ZSCAN25: variants seen among roughly 807,000 people sequenced by gnomAD.
ZSCAN25 encodes zinc finger and SCAN domain containing 25.
In ZSCAN25, 27 loss-of-function variants were observed where a neutral mutation model predicts 38.7. That is an observed-to-expected ratio of 0.70 (90% CI 0.51 to 0.96). ZSCAN25 has a LOEUF of 0.96. ZSCAN25 is among the 40% of genes least tolerant of loss of function. The probability of loss-of-function intolerance (pLI) is 0.00; values close to 1 mark genes in which losing one functional copy is unlikely to be tolerated. For synonymous variants in ZSCAN25, 273 were observed against 277.7 expected (o/e 0.98, Z 0.17); for missense variants, 637 against 705.9 (o/e 0.90, Z 1.11).
At chr7:99,721,316 A>G in the ZSCAN25 span, among the ~76,000 whole-genome samples, 1 of 152,250 alleles carries the variant, frequency 6.6e-6, no homozygotes, top group Non-Finnish European at 1.5e-5. Flanking sequence ...TAAAAAAAAG[A>G]AACAGCAGAG....
At chr7:99,684,335 T>A in the ZSCAN25 span, among the ~76,000 whole-genome samples, 2 of 151,996 alleles carry the variant, frequency 1.3e-5, no homozygotes, top group Admixed American at 1.3e-4. Flanking sequence ...ACCTAGCTAA[T>A]TTTTGTATTT....
chr7:99,645,382 A>G, the ZSCAN25 span, among the ~76,000 whole-genome samples: 1 of 152,042 alleles, frequency 6.6e-6, no homozygotes, highest in Admixed American at 6.5e-5. Flanking sequence ...GTTTAGGTTA[A>G]TTTCATATCT....
chr7:99,666,712 C>G, the ZSCAN25 span: 1 of 1,613,960 alleles, frequency 6.2e-7, no homozygotes. Context: ...CAGATCAGTA[C>G]CTGTAGTTAA....
chr7:99,639,427 A>C, the ZSCAN25 span, among the ~76,000 whole-genome samples: 1 of 152,122 alleles, frequency 6.6e-6, no homozygotes, highest in Non-Finnish European at 1.5e-5. Context: ...AGGGGCCTGC[A>C]ATTCTGTATC....
chr7:99,673,317 C>G, the ZSCAN25 span, among the ~76,000 whole-genome samples: 1 of 152,172 alleles, frequency 6.6e-6, no homozygotes, highest in Non-Finnish European at 1.5e-5. Flanking sequence ...AGTGAACAAA[C>G]ACACCACTGC....
At chr7:99,635,222 TAAAG>T (rs1459033206), downstream of ZSCAN25, among the ~76,000 whole-genome samples, 1 of 151,540 alleles carries the variant, frequency 6.6e-6, no homozygotes, top group Non-Finnish European at 1.5e-5. Context: ...ACTACAACCA[TAAAG>T]AACACAGTTT....
chr7:99,660,425 C>A, the ZSCAN25 span: 1 of 1,504,444 alleles, frequency 6.6e-7, no homozygotes, highest in East Asian at 2.4e-5. Flanking sequence ...TAAAAATTCT[C>A]CTGGGGAGTG....
the ZSCAN25 span, among the ~76,000 whole-genome samples, chr7:99,734,455 A>G: frequency 6.6e-6 from 1 of 152,120 alleles, no homozygotes; most frequent in Non-Finnish European, 1.5e-5. Context: ...CTATTAGATT[A>G]TCCTCAATCA....
chr7:99,626,144 C>T (rs1807451277), intron 7 of ZSCAN25, among the ~76,000 whole-genome samples: 1 of 152,214 alleles, frequency 6.6e-6, no homozygotes, highest in Non-Finnish European at 1.5e-5. Flanking sequence ...TCCACAAGGA[C>T]TGGAGCAAGA....
chr7:99,686,769 C>G, the ZSCAN25 span, among the ~76,000 whole-genome samples: 1 of 152,022 alleles, frequency 6.6e-6, no homozygotes, highest in Non-Finnish European at 1.5e-5. Flanking sequence ...CCAGTAGGGG[C>G]AGACTGACAC....
the ZSCAN25 span, chr7:99,660,460 T>C: frequency 6.4e-7 from 1 of 1,560,960 alleles, no homozygotes; most frequent in Non-Finnish European, 8.6e-7. Flanking sequence ...TTGCTAAGGC[T>C]TCACCTCTTC....
the ZSCAN25 span, among the ~76,000 whole-genome samples, chr7:99,731,469 C>T: frequency 4.6e-5 from 7 of 152,278 alleles, no homozygotes; most frequent in African/African-American, 1.4e-4. Context: ...TTCTTCCAGG[C>T]ACTTCATTCC....
the ZSCAN25 span, among the ~76,000 whole-genome samples, chr7:99,679,429 T>G: frequency 1.3e-5 from 2 of 151,974 alleles, no homozygotes; most frequent in Admixed American, 1.3e-4. Context: ...GAGACAAAAA[T>G]GCAAGCCACT....
chr7:99,630,413 C>CT lies in ZSCAN25; in HGVS notation c.*395dup, dbSNP rs1807903560. The CT allele has an allele frequency of 9.8e-7, 1 of 1,020,670 alleles. No homozygotes were observed. The highest frequency in any genetic ancestry group is 1.7e-5 in the African/African-American group (1 of 58,418). 63.2% of individuals were successfully genotyped at this position (1,020,670 alleles called of 1,614,324 possible). A position where few individuals can be genotyped will look rare whatever the true frequency, so the allele number is the denominator to read the frequency against. On this transcript the variant is annotated 3_prime_UTR_variant, in exon 8 of 8. Coordinates refer to ENST00000394152, the MANE Select transcript of ZSCAN25 (RefSeq NM_145115.3). Reference sequence around the variant, plus strand: ...TGCCTGCAGGGTCATAGCTCAGACTCTTCCCCCACCCCCTCTCTTTTCCAT... The same window carrying CT: ...TGCCTGCAGGGTCATAGCTCAGACTCTTTCCCCCACCCCCTCTCTTTTCCAT...
chr7:99,706,309 T>C, the ZSCAN25 span, among the ~76,000 whole-genome samples: 1 of 152,292 alleles, frequency 6.6e-6, no homozygotes, highest in East Asian at 1.9e-4. Flanking sequence ...GATCCAGAAG[T>C]GCCAGCTTGG....
At chr7:99,710,993 A>G in the ZSCAN25 span, 3 of 1,580,918 alleles carry the variant, frequency 1.9e-6, no homozygotes, top group Non-Finnish European at 1.7e-6. Context: ...TCCCCAGGGG[A>G]AAAAATAGAA....
the ZSCAN25 span, among the ~76,000 whole-genome samples, chr7:99,682,935 A>G: frequency 6.6e-6 from 1 of 152,210 alleles, no homozygotes; most frequent in African/African-American, 2.4e-5. Flanking sequence ...GGCATGCAGA[A>G]ATGCTACTGG....
the ZSCAN25 span, chr7:99,674,245 A>G: frequency 3.6e-5 from 10 of 277,850 alleles, 1 homozygote; most frequent in Non-Finnish European, 5.3e-5. Context: ...CTTTGTAGCT[A>G]ACAATAATTA....
the ZSCAN25 span, among the ~76,000 whole-genome samples, chr7:99,721,757 GTC>G: frequency 6.6e-6 from 1 of 152,102 alleles, no homozygotes; most frequent in African/African-American, 2.4e-5. Flanking sequence ...GTGTGTGTGT[GTC>G]AGTGTGTCTG....
Sources: gnomAD v4.1 joint callset for allele counts (sites outside exome capture counted in the v4.1 genomes callset) on GRCh38, gnomAD v4.1.1 for gene constraint, MANE v1.5 for transcripts, NCBI Gene and HGNC (gene_info 2026-07-23, HGNC 2026-07-21) for gene names.